The following CPT1A variants were observed in gnomAD, a reference collection of about 807,000 sequenced individuals.
The protein encoded by CPT1A is carnitine O-palmitoyltransferase 1, liver isoform.
Under a neutral mutation model 100.8 loss-of-function variants are expected in CPT1A, and 64 were observed. The ratio of observed to expected loss-of-function variants is 0.63; its 90% CI spans 0.52 to 0.78. The LOEUF (loss-of-function observed/expected upper bound fraction) is 0.78, where lower values mean the gene tolerates loss of function less well. Among genes scored for constraint, CPT1A ranks in the 30% least tolerant of loss-of-function variants. CPT1A has a pLI of 0.00. For missense variants in CPT1A, 802 were observed against 1,034.1 expected (o/e 0.78, Z 3.08); for synonymous variants, 363 against 396.0 (o/e 0.92, Z 0.99).
chr11:68,772,512 T>TTG (rs1555227471), intron 14 of CPT1A, among the ~76,000 whole-genome samples: 1 of 151,440 alleles, frequency 6.6e-6, no homozygotes, highest in Admixed American at 6.6e-5. Flanking sequence ...CAACAGGGGT[T>TTG]GCCAGGTGCA....
chr11:68,765,015 G>A (rs1854752251), intron 14 of CPT1A, among the ~76,000 whole-genome samples: 1 of 152,190 alleles, frequency 6.6e-6, no homozygotes, highest in South Asian at 2.1e-4. Context: ...TGGGAGCGGG[G>A]GTCACAGGCC....
intron 2 of CPT1A, among the ~76,000 whole-genome samples, chr11:68,813,324 A>G (rs921733725): frequency 4.6e-5 from 7 of 152,008 alleles, no homozygotes; most frequent in African/African-American, 1.7e-4. Context: ...TGAGGTAAGG[A>G]GTTTGAAACC....
downstream of CPT1A, chr11:68,754,655 G>A: frequency 1.6e-6 from 1 of 636,230 alleles, no homozygotes; most frequent in Admixed American, 2.7e-5. Flanking sequence ...TCTTTTATGT[G>A]TCAGGCACTG....
intron 9 of CPT1A, among the ~76,000 whole-genome samples, chr11:68,790,627 TGATCTCGGACTCTGGCC>T (rs1214902737): frequency 4.6e-5 from 7 of 152,100 alleles, no homozygotes; most frequent in African/African-American, 1.7e-4. Context: ...GCTGACACCT[TGATCTCGGACTCTGGCC>T]TCCAGAGCTG....
chr11:68,759,817 C>T lies in CPT1A; in HGVS notation c.2143-156G>A, dbSNP rs145551110. ...CTGAGGCAGGCGGGTCACTTGAGCCCAGGGGTTCGAGACCAGCCCGGACAA... is the reference window on the plus strand; with the variant it reads ...CTGAGGCAGGCGGGTCACTTGAGCCTAGGGGTTCGAGACCAGCCCGGACAA... On this transcript the variant is annotated intron_variant, in intron 17 of 18. Transcript: ENST00000265641. Among the ~76,000 whole-genome samples the T allele has an allele frequency of 1.7e-4, 26 of 152,080 alleles. No homozygotes were observed. The East Asian group carries it at 5.0e-3, about 29-fold the overall frequency.
Position 68,773,292 on chromosome 11 carries a change from C to T in CPT1A, c.1713G>A (p.Gln571=). 2 of 1,614,150 alleles carry T rather than the reference C, an allele frequency of 1.2e-6. No homozygotes were observed. The highest frequency in any genetic ancestry group is 1.7e-6 in the Non-Finnish European group (2 of 1,180,014). Residue 571 remains glutamine (Q), a synonymous_variant, in exon 14 of 19, where the codon CAG becomes CAA. Coordinates refer to ENST00000265641, the MANE Select transcript of CPT1A (RefSeq NM_001876.4). ...TGTAGTGCGCCAGCTGGAGGGCCAG[C>T]TGCACAAAGGCGTCTGGGCTCGTGC... ...KCRTSPDAFV[Q]LALQLAHYKD...
rs115049738 is a variant in CPT1A, at chr11:68,838,807, A to T, written c.-14+2968T>A. 2.7e-3 allele frequency among the ~76,000 whole-genome samples: 414 copies of T among 152,254 alleles called. 6 individuals carry two copies. The highest frequency in any genetic ancestry group is 9.2e-3 in the African/African-American group (382 of 41,550). On this transcript the variant is annotated intron_variant, in intron 1 of 18. Transcript: ENST00000265641. ...GTCTCGAATTCCTGGCCTCAAAGCA[A>T]TCCTCCCACCTTGGCCTCCCAAAGC...
chr11:68,761,021 C>T lies in CPT1A; in HGVS notation c.2028+514G>A, dbSNP rs1378908575. On this transcript the variant is annotated intron_variant, in intron 16 of 18. Transcript: ENST00000265641. The stretch of plus-strand genomic sequence containing the variant: ...GGGTGACAGAGCGAGACTCCATCTC[C>T]AAAAAATAAAAAATAAATAAATAAA... Among the ~76,000 whole-genome samples, 11 of 150,966 alleles carry T rather than the reference C, an allele frequency of 7.3e-5. 1 individual carries two copies. Among genetic ancestry groups the T allele is most frequent in the African/African-American group, 2.7e-4 (11 of 41,114 alleles).
intron 14 of CPT1A, among the ~76,000 whole-genome samples, chr11:68,767,394 G>T (rs575429550): frequency 3.9e-5 from 6 of 152,262 alleles, no homozygotes; most frequent in African/African-American, 1.2e-4. Flanking sequence ...TTTGAGACCA[G>T]CCTGGGAAAC....
intron 14 of CPT1A, among the ~76,000 whole-genome samples, chr11:68,770,529 C>T (rs767595234): frequency 6.6e-6 from 1 of 152,214 alleles, no homozygotes; most frequent in Non-Finnish European, 1.5e-5. Flanking sequence ...CACGATGCCA[C>T]TTATCCTGTT....
At chr11:68,793,293 G>A (rs371163768) in intron 9 of CPT1A, 22 bp downstream of exon 9, 44 of 1,555,706 alleles carry the variant, frequency 2.8e-5, no homozygotes, top group Non-Finnish European at 3.8e-5. Flanking sequence ...TCTCCAGGGG[G>A]CCCTGAAGAA....
chr11:68,826,933 CTG>C (rs1452265733), intron 1 of CPT1A, among the ~76,000 whole-genome samples: 1 of 152,032 alleles, frequency 6.6e-6, no homozygotes, highest in East Asian at 1.9e-4. Context: ...GCAGCTGAGA[CTG>C]GGATGGGCAG....
chr11:68,785,067 T>C, intron 9 of CPT1A, 57 bp from the exon 10 acceptor site: 3 of 1,514,920 alleles, frequency 2.0e-6, no homozygotes, highest in Non-Finnish European at 1.8e-6. Flanking sequence ...CAGCACGTGC[T>C]GAGACGACCG....
At chr11:68,788,236 G>A (rs1014476678) in intron 9 of CPT1A, among the ~76,000 whole-genome samples, 1 of 152,130 alleles carries the variant, frequency 6.6e-6, no homozygotes, top group Non-Finnish European at 1.5e-5. Flanking sequence ...CTTAGAAACA[G>A]CTCGAACAAA....
At chr11:68,781,706 G>T in intron 11 of CPT1A, 65 bp downstream of exon 11, 1 of 1,357,540 alleles carries the variant, frequency 7.4e-7, no homozygotes, top group Non-Finnish European at 1.1e-6. Flanking sequence ...TGAGTGTCAG[G>T]CACACAGGGT....
At chr11:68,835,042 G>A (rs1479694714) in intron 1 of CPT1A, among the ~76,000 whole-genome samples, 1 of 151,792 alleles carries the variant, frequency 6.6e-6, no homozygotes, top group Non-Finnish European at 1.5e-5. Context: ...ACCTTATAGT[G>A]CACCACGTCA....
intron 1 of CPT1A, among the ~76,000 whole-genome samples, chr11:68,826,276 T>G (rs1054268924): frequency 6.6e-6 from 1 of 151,886 alleles, no homozygotes; most frequent in African/African-American, 2.4e-5. Flanking sequence ...TGAAACCCTG[T>G]CACTACTAAA....
intron 11 of CPT1A, among the ~76,000 whole-genome samples, chr11:68,781,242 A>G (rs1175987811): frequency 6.6e-6 from 1 of 152,140 alleles, no homozygotes; most frequent in Non-Finnish European, 1.5e-5. Context: ...ATCTCCAAAC[A>G]AAGGTGGTCA....
At chr11:68,843,078 C>T (rs1172195805), upstream of CPT1A, among the ~76,000 whole-genome samples, 1 of 152,234 alleles carries the variant, frequency 6.6e-6, no homozygotes, top group African/African-American at 2.4e-5. This position sits in a 1 kb window ranked among gnomAD's most constrained non-coding sequence, Gnocchi z 4.0. Flanking sequence ...TTAGTTGTTA[C>T]CGCAGAAGAA....
Sources: allele counts gnomAD v4.1 joint callset (sites outside exome capture counted in the v4.1 genomes callset), GRCh38; gene constraint gnomAD v4.1.1; non-coding constraint Gnocchi (gnomAD v3.1); transcripts MANE v1.5; gene names NCBI Gene and HGNC (gene_info 2026-07-23, HGNC 2026-07-21).